AFG2A: variants seen among roughly 807,000 people sequenced by gnomAD.
AFG2A encodes the protein ATPase family gene 2 protein homolog A.
At chr4:122,936,204 T>G in the AFG2A span, 1 of 1,478,554 alleles carries the variant, frequency 6.8e-7, no homozygotes, top group South Asian at 1.3e-5. Flanking sequence ...AAGGCTGTAT[T>G]AGTCAAAGTG....
the AFG2A span, among the ~76,000 whole-genome samples, chr4:122,949,759 G>T: frequency 6.6e-6 from 1 of 152,206 alleles, no homozygotes; most frequent in African/African-American, 2.4e-5. Context: ...GGAGGCCAGA[G>T]GAAGACAGTG....
the AFG2A span, among the ~76,000 whole-genome samples, chr4:123,129,707 G>C: frequency 2.0e-5 from 3 of 152,028 alleles, no homozygotes; most frequent in African/African-American, 7.2e-5. Flanking sequence ...AGTTTGTCAA[G>C]GCTGGGCACG....
At chr4:123,296,853 T>G in the AFG2A span, among the ~76,000 whole-genome samples, 1 of 152,198 alleles carries the variant, frequency 6.6e-6, no homozygotes, top group Non-Finnish European at 1.5e-5. Flanking sequence ...GGAGAAAGAA[T>G]TGAGCAAGTT....
At chr4:123,056,494 C>A in the AFG2A span, 1 of 1,486,734 alleles carries the variant, frequency 6.7e-7, no homozygotes, top group South Asian at 1.3e-5. Flanking sequence ...CACTTCTGTC[C>A]TGTGCAGCTT....
At chr4:122,936,355 TAGA>T in the AFG2A span, among the ~76,000 whole-genome samples, 1 of 152,356 alleles carries the variant, frequency 6.6e-6, no homozygotes, top group East Asian at 1.9e-4. Context: ...TTACATAAAG[TAGA>T]AGAATTAAGA....
chr4:123,220,414 A>G, the AFG2A span, among the ~76,000 whole-genome samples: 72 of 151,850 alleles, frequency 4.7e-4, no homozygotes, highest in African/African-American at 1.4e-3. Flanking sequence ...GTTCCAGACC[A>G]GCCTGGCCGA....
chr4:123,227,423 T>C, the AFG2A span, among the ~76,000 whole-genome samples: 4 of 152,186 alleles, frequency 2.6e-5, no homozygotes, highest in African/African-American at 9.7e-5. Context: ...TTTGTTCTCG[T>C]TGGTTTCAAA....
chr4:123,245,633 C>A, the AFG2A span, among the ~76,000 whole-genome samples: 2 of 152,092 alleles, frequency 1.3e-5, no homozygotes, highest in South Asian at 2.1e-4. Flanking sequence ...TTGTGCTCAT[C>A]ATCAATTGCT....
chr4:123,119,617 A>G, the AFG2A span, among the ~76,000 whole-genome samples: 1 of 152,194 alleles, frequency 6.6e-6, no homozygotes, highest in South Asian at 2.1e-4. Context: ...TCTTGCCAAA[A>G]TTGATTGGCT....
At chr4:123,054,194 A>G in the AFG2A span, among the ~76,000 whole-genome samples, 1 of 152,220 alleles carries the variant, frequency 6.6e-6, no homozygotes, top group African/African-American at 2.4e-5. Context: ...CTGGGCTTGA[A>G]TGCAAAAGCA....
chr4:123,123,743 C>T, the AFG2A span, among the ~76,000 whole-genome samples: 254 of 151,422 alleles, frequency 1.7e-3, 1 homozygote, highest in Middle Eastern at 0.014. Context: ...GTCAGGAGAT[C>T]GAGACCATCC....
chr4:123,198,199 G>T, the AFG2A span, among the ~76,000 whole-genome samples: 79 of 151,942 alleles, frequency 5.2e-4, no homozygotes, highest in Non-Finnish European at 3.5e-4. Context: ...AGCCCGGGAG[G>T]TGCAGGTTGC....
the AFG2A span, among the ~76,000 whole-genome samples, chr4:122,937,252 A>G: frequency 6.6e-6 from 1 of 152,304 alleles, no homozygotes; most frequent in African/African-American, 2.4e-5. Flanking sequence ...TACTCATTAC[A>G]GTGTAACATT....
chr4:123,189,809 CTTT>C, the AFG2A span, among the ~76,000 whole-genome samples: 3 of 61,776 alleles, frequency 4.9e-5, no homozygotes, highest in African/African-American at 2.0e-4. Context: ...AGGTCATTTG[CTTT>C]TTTTTTTTTT....
the AFG2A span, among the ~76,000 whole-genome samples, chr4:123,071,057 A>G: frequency 1.3e-5 from 2 of 152,144 alleles, no homozygotes; most frequent in Non-Finnish European, 2.9e-5. Flanking sequence ...TGACATATTA[A>G]TTTTCCTTAT....
At chr4:123,287,527 A>G in the AFG2A span, among the ~76,000 whole-genome samples, 1 of 152,240 alleles carries the variant, frequency 6.6e-6, no homozygotes, top group Admixed American at 6.5e-5. Flanking sequence ...CAACTTGTTA[A>G]GACTAAAGTC....
the AFG2A span, among the ~76,000 whole-genome samples, chr4:123,148,950 G>C: frequency 6.6e-6 from 1 of 151,934 alleles, no homozygotes; most frequent in African/African-American, 2.4e-5. Flanking sequence ...TGTATTTTTA[G>C]TAGAGACAAG....
chr4:123,264,822 T>TC, the AFG2A span, among the ~76,000 whole-genome samples: 1 of 152,146 alleles, frequency 6.6e-6, no homozygotes, highest in African/African-American at 2.4e-5. Flanking sequence ...AGGAAGATGG[T>TC]CTTTTTATAA....
chr4:123,212,721 A>T, the AFG2A span, among the ~76,000 whole-genome samples: 8 of 152,158 alleles, frequency 5.3e-5, no homozygotes, highest in African/African-American at 1.9e-4. Context: ...AATTGCTTTC[A>T]CCTGGAGAGC....
Sources: gnomAD v4.1 joint callset for allele counts (sites outside exome capture counted in the v4.1 genomes callset) on GRCh38, gnomAD v4.1.1 for gene constraint, MANE v1.5 for transcripts, NCBI Gene and HGNC (gene_info 2026-07-23, HGNC 2026-07-21) for gene names.